Variants in FOXO3B observed in about 807,000 individuals in gnomAD.
FOXO3B encodes the protein forkhead box O3B, also known as forkhead box protein O3B.
Under a neutral mutation model 21.9 loss-of-function variants are expected in FOXO3B, and 15 were observed. The observed-to-expected ratio is 0.68, with a 90% CI of 0.46 to 1.05. The LOEUF (loss-of-function observed/expected upper bound fraction) is 1.05. Among genes scored for constraint, FOXO3B ranks in the 50% least tolerant of loss-of-function variants. The probability of loss-of-function intolerance (pLI) is 0.00; values close to 1 mark genes in which losing one functional copy is unlikely to be tolerated. For synonymous variants in FOXO3B, 135 were observed against 213.6 expected, an observed-to-expected ratio of 0.63 and a Z score of 3.21; for missense variants, 293 against 435.5, an observed-to-expected ratio of 0.67 and a Z score of 2.91.
At chr17:18,680,708 G>A (rs1262855447) in intron 3 of FOXO3B, 33 bp downstream of exon 3, 11 of 1,608,670 alleles carry the variant, frequency 6.8e-6, no homozygotes, top group Non-Finnish European at 9.4e-6. Context: ...TAAGAAACAA[G>A]GTGTAATTCC....
intron 3 of FOXO3B, among the ~76,000 whole-genome samples, chr17:18,679,925 C>T (rs1316766607): frequency 1.3e-5 from 2 of 151,924 alleles, no homozygotes; most frequent in Admixed American, 6.6e-5. Flanking sequence ...CTGCAACCTC[C>T]ACCTCCTAGG....
chr17:18,674,566 C>A lies in FOXO3B; in HGVS notation c.127-1511G>T, dbSNP rs529920608. On this transcript the variant is annotated intron_variant, in intron 3 of 3. Transcript: ENST00000395675. ...GCGTGAACCCAGGAGGCAGAGCTTG[C>A]AGTGAGCCAAGATCGCACCACTGCA... 9.2e-5 allele frequency among the ~76,000 whole-genome samples: 13 copies of A among 141,442 alleles called. 1 individual carries two copies. The South Asian group carries it at 2.7e-3, about 29-fold the overall frequency. 92.8% of individuals were successfully genotyped at this position (141,442 alleles called of 152,430 possible). A position where few individuals can be genotyped will look rare whatever the true frequency, so the allele number is the denominator to read the frequency against.
chr17:18,672,943 G>C lies in FOXO3B; in HGVS notation c.239C>G (p.Ala80Gly), dbSNP rs4924901. 782,028 of 1,518,962 alleles carry C rather than the reference G, an allele frequency of 0.51. 202,411 individuals are homozygous for C. The highest frequency in any genetic ancestry group is 0.64 in the African/African-American group (44,974 of 69,958). The allele number at this position is 1,518,962 out of a possible 1,614,324, so 94.1% of individuals were successfully genotyped here. Residue 80 changes from alanine (A) to glycine (G), a missense_variant, in exon 4 of 4, where the codon GCC (alanine) becomes GGC (glycine). Around this residue, in one of 2 missense-constraint regions of FOXO3B, gnomAD observed 251 missense variants for 404.0 expected, o/e 0.62. Coordinates refer to ENST00000395675, the MANE Select transcript of FOXO3B (RefSeq NM_001368135.1). This position sits in a 1 kb window ranked among gnomAD's most constrained non-coding sequence, Gnocchi z 4.2. ...REESARTPAA[A>G]GRAAKMAEAP... Reference sequence around the variant, plus strand: ...CTCTGCCATCTTCGCCGCCCGCCCGGCCGCGGCTGGGGTTCTCGCGCTCTC... The same window carrying C: ...CTCTGCCATCTTCGCCGCCCGCCCGCCCGCGGCTGGGGTTCTCGCGCTCTC...
chr17:18,672,219 G>A lies in FOXO3B; in HGVS notation c.*90C>T, dbSNP rs2032382764. The A allele has an allele frequency of 2.5e-6, 4 of 1,613,610 alleles. No homozygotes were observed. The East Asian group carries it at 8.9e-5, about 36-fold the overall frequency. On this transcript the variant is annotated 3_prime_UTR_variant, in exon 4 of 4. Transcript: ENST00000395675. This position sits in a 1 kb window ranked among gnomAD's most constrained non-coding sequence, Gnocchi z 4.2. Reference sequence around the variant, plus strand: ...TTCCGCTCTTCCCCCCATCAGGGTTGATGATCCACCAAGAGCTCTTGCCAG... The same window carrying A: ...TTCCGCTCTTCCCCCCATCAGGGTTAATGATCCACCAAGAGCTCTTGCCAG...
intron 3 of FOXO3B, among the ~76,000 whole-genome samples, chr17:18,676,636 C>A (rs1194833486): frequency 6.6e-6 from 1 of 152,054 alleles, no homozygotes; most frequent in Non-Finnish European, 1.5e-5. Context: ...ATGATTCACA[C>A]CAATTTCAAG....
intron 3 of FOXO3B, among the ~76,000 whole-genome samples, chr17:18,674,475 A>T (rs2032444298): frequency 6.7e-6 from 1 of 150,136 alleles, no homozygotes; most frequent in Non-Finnish European, 1.5e-5. Flanking sequence ...AATACAAAAA[A>T]ATTAGCCGGG....
At chr17:18,677,113 T>G in intron 3 of FOXO3B, 2 of 675,672 alleles carry the variant, frequency 3.0e-6, no homozygotes, top group Non-Finnish European at 5.1e-6. Flanking sequence ...TATTAAGTGT[T>G]GACAAGCATG....
chr17:18,681,916 C>T (rs1361130308), intron 1 of FOXO3B, 70 bp from the exon 2 acceptor site: 2 of 637,188 alleles, frequency 3.1e-6, no homozygotes, highest in Non-Finnish European at 5.6e-6. Flanking sequence ...TGAAGCTGTC[C>T]CTGGGGGAAC....
At chr17:18,675,225 T>G (rs906694616) in intron 3 of FOXO3B, among the ~76,000 whole-genome samples, 4 of 151,212 alleles carry the variant, frequency 2.6e-5, no homozygotes, top group African/African-American at 9.8e-5. Context: ...TATGTAACCT[T>G]GGATTAATGA....
intron 3 of FOXO3B, among the ~76,000 whole-genome samples, chr17:18,673,616 T>A: frequency 6.6e-6 from 1 of 151,936 alleles, no homozygotes; most frequent in East Asian, 1.9e-4. Context: ...AGTTGTGAAA[T>A]GAGGTTGGGA....
rs905592932 is a variant in FOXO3B at position 18,670,953 on chromosome 17, T to C, written c.*1356A>G. The C allele has an allele frequency of 6.5e-6, 9 of 1,392,926 alleles. No homozygotes were observed. The Admixed American group carries it at 1.1e-4, about 17-fold the overall frequency. 86.3% of individuals were successfully genotyped at this position (1,392,926 alleles called of 1,614,324 possible). On this transcript the variant is annotated 3_prime_UTR_variant, in exon 4 of 4. Coordinates refer to ENST00000395675, the MANE Select transcript of FOXO3B (RefSeq NM_001368135.1). Reference sequence around the variant, plus strand: ...TGAGGCCTGCTTAGCACCAGTGAAGTTCCCCACGTTCAAACCAACAACATT... The same window carrying C: ...TGAGGCCTGCTTAGCACCAGTGAAGCTCCCCACGTTCAAACCAACAACATT...
chr17:18,677,272 G>A lies in FOXO3B; in HGVS notation c.126+3469C>T, dbSNP rs572703292. Reference sequence around the variant, plus strand: ...CTTGTATGTATACAAGGTCTGTTCCGCATGAAACTCCTGCTGGGGAAGGAC... The same window carrying A: ...CTTGTATGTATACAAGGTCTGTTCCACATGAAACTCCTGCTGGGGAAGGAC... On this transcript the variant is annotated intron_variant, in intron 3 of 3. Transcript: ENST00000395675. The A allele has an allele frequency of 1.8e-4, 284 of 1,612,344 alleles. 3 individuals are homozygous for A. The South Asian group carries it at 2.1e-3, about 12-fold the overall frequency.
rs1184289791 is a variant in FOXO3B, at chr17:18,668,260, A to G, written c.*4049T>C. 2 of 152,236 alleles carry G rather than the reference A, an allele frequency of 1.3e-5. No individual in the cohort carries two copies. Among genetic ancestry groups the G allele is most frequent in the East Asian group, 3.8e-4 (2 of 5,196 alleles). 9.4% of individuals were successfully genotyped at this position (152,236 alleles called of 1,614,324 possible). A position where few individuals can be genotyped will look rare whatever the true frequency, so the allele number is the denominator to read the frequency against. On this transcript the variant is annotated 3_prime_UTR_variant, in exon 4 of 4. Transcript: ENST00000395675. The stretch of plus-strand genomic sequence containing the variant: ...TGGTCTCAGCTCTCCACGACACTCT[A>G]CATGTAGATGCTGTTTTAGTTACTT...
At chr17:18,677,122 T>C (rs568431850) in intron 3 of FOXO3B, 2 of 703,616 alleles carry the variant, frequency 2.8e-6, no homozygotes, top group East Asian at 2.7e-5. Context: ...TTGACAAGCA[T>C]GTGGAACAAC....
chr17:18,678,006 A>G (rs1452819934), intron 3 of FOXO3B, among the ~76,000 whole-genome samples: 2 of 152,006 alleles, frequency 1.3e-5, no homozygotes, highest in Non-Finnish European at 2.9e-5. Context: ...TAGAAAAGAC[A>G]TTATGAGGAA....
intron 3 of FOXO3B, among the ~76,000 whole-genome samples, chr17:18,674,399 G>A (rs550122320): frequency 1.3e-5 from 2 of 150,114 alleles, no homozygotes; most frequent in Admixed American, 6.7e-5. Context: ...GCCAAGGAGG[G>A]CGGATCACGA....
At chr17:18,678,382 T>G (rs1018824436) in intron 3 of FOXO3B, among the ~76,000 whole-genome samples, 1 of 152,016 alleles carries the variant, frequency 6.6e-6, no homozygotes, top group African/African-American at 2.4e-5. Context: ...AATACAGTAG[T>G]GCAAGTACAA....
chr17:18,681,117 G>T (rs539196975), intron 2 of FOXO3B, among the ~76,000 whole-genome samples: 3 of 151,756 alleles, frequency 2.0e-5, no homozygotes. Flanking sequence ...ATCTATACTC[G>T]TTGGTTCTCA....
Position 18,671,275 on chromosome 17 carries a change from A to G in FOXO3B, c.*1034T>C. 2 of 1,450,034 alleles carry G rather than the reference A, an allele frequency of 1.4e-6. No individual in the cohort carries two copies. Among genetic ancestry groups the G allele is most frequent in the South Asian group, 2.3e-5 (2 of 87,282 alleles). The allele number at this position is 1,450,034 out of a possible 1,614,324, so 89.8% of individuals were successfully genotyped here. ...AAGCCCATGTTGCTGACAGAATTCG[A>G]CAAGGCACGGCTGCCACCAAGAGCG... On this transcript the variant is annotated 3_prime_UTR_variant, in exon 4 of 4. Coordinates refer to ENST00000395675, the MANE Select transcript of FOXO3B (RefSeq NM_001368135.1).
Sources: gnomAD v4.1 joint callset for allele counts (sites outside exome capture counted in the v4.1 genomes callset) on GRCh38, gnomAD v4.1.1 for gene constraint, gnomAD v4.1.1 regional missense constraint, Gnocchi (gnomAD v3.1) non-coding constraint, MANE v1.5 for transcripts, NCBI Gene and HGNC (gene_info 2026-07-23, HGNC 2026-07-21) for gene names.